Variants in SLC5A11 observed in about 807,000 individuals in gnomAD.
SLC5A11 encodes sodium/myo-inositol cotransporter 2.
In SLC5A11, 48 loss-of-function variants were observed where a neutral mutation model predicts 69.8. The observed-to-expected ratio is 0.69, with a 90% confidence interval of 0.55 to 0.87. The LOEUF (loss-of-function observed/expected upper bound fraction) is 0.87. Among genes scored for constraint, SLC5A11 ranks in the 40% least tolerant of loss-of-function variants. SLC5A11 has a pLI of 0.00. For missense variants in SLC5A11, 784 were observed against 866.1 expected, an observed-to-expected ratio of 0.91 and a Z score of 1.19; for synonymous variants, 319 against 342.4, an observed-to-expected ratio of 0.93 and a Z score of 0.75.
chr16:24,877,553 A>G (rs11863719), intron 7 of SLC5A11, among the ~76,000 whole-genome samples, 190 bp downstream of exon 8: 2,699 of 152,314 alleles, frequency 0.018, 92 homozygotes, highest in African/African-American at 0.061. Flanking sequence ...TTACCTGATA[A>G]GATAAAGCTT....
chr16:24,903,715 G>A (rs1173676489), intron 10 of SLC5A11, among the ~76,000 whole-genome samples: 1 of 152,104 alleles, frequency 6.6e-6, no homozygotes, highest in African/African-American at 2.4e-5. Context: ...CTAAATAGTA[G>A]TCCACTCTGT....
At chr16:24,870,442 A>AACCACACACACACAC (rs1555523057) in intron 4 of SLC5A11, among the ~76,000 whole-genome samples, 2 of 140,556 alleles carry the variant, frequency 1.4e-5, no homozygotes, top group South Asian at 2.2e-4. Flanking sequence ...AACAAAAAAA[A>AACCACACACACACAC]ACACACACAC....
chr16:24,867,180 G>A (rs563044147), intron 3 of SLC5A11, among the ~76,000 whole-genome samples: 1 of 152,148 alleles, frequency 6.6e-6, no homozygotes, highest in Non-Finnish European at 1.5e-5. Flanking sequence ...TACAAAGTGT[G>A]TTGTCTATCC....
chr16:24,906,430 T>C (rs2050066245), intron 10 of SLC5A11, among the ~76,000 whole-genome samples: 1 of 152,176 alleles, frequency 6.6e-6, no homozygotes, highest in South Asian at 2.1e-4. Context: ...AGCTGAATTT[T>C]TTCCAGCACT....
chr16:24,858,417 A>T (rs1350903546), intron 1 of SLC5A11, among the ~76,000 whole-genome samples: 1 of 149,698 alleles, frequency 6.7e-6, no homozygotes, highest in Admixed American at 6.6e-5. Flanking sequence ...TGACTTCATT[A>T]TGAATATGTG....
chr16:24,900,037 C>T (rs899440118), intron 10 of SLC5A11, among the ~76,000 whole-genome samples: 1 of 152,082 alleles, frequency 6.6e-6, no homozygotes, highest in Non-Finnish European at 1.5e-5. Context: ...CATGGGATAT[C>T]GAGGCCTCTA....
intron 8 of SLC5A11, among the ~76,000 whole-genome samples, chr16:24,887,006 C>T (rs920358932): frequency 3.3e-5 from 5 of 151,970 alleles, no homozygotes; most frequent in Admixed American, 3.3e-4. Context: ...ATGTAGTGAG[C>T]TAAAAATAAT....
intron 2 of SLC5A11, among the ~76,000 whole-genome samples, chr16:24,861,058 C>T (rs2059750911): frequency 6.6e-6 from 1 of 152,008 alleles, no homozygotes; most frequent in Non-Finnish European, 1.5e-5. Flanking sequence ...GGCCCCATTA[C>T]GTATGTTTAA....
At chr16:24,847,943 C>A (rs965262339) in intron 1 of SLC5A11, among the ~76,000 whole-genome samples, 9 of 152,196 alleles carry the variant, frequency 5.9e-5, no homozygotes, top group Non-Finnish European at 1.0e-4. Flanking sequence ...TAATCACACA[C>A]ATCAAGTGTT....
intron 9 of SLC5A11, 62 bp from the exon 11 acceptor site, chr16:24,897,912 G>T (rs1246060767): frequency 6.3e-7 from 1 of 1,580,466 alleles, no homozygotes; most frequent in Non-Finnish European, 8.6e-7. Context: ...ATGAGATTTG[G>T]GTGGGGACAC....
intron 8 of SLC5A11, among the ~76,000 whole-genome samples, chr16:24,889,959 AGAAGTATTCTTCT>A (rs2048667550): frequency 6.6e-6 from 1 of 152,096 alleles, no homozygotes; most frequent in South Asian, 2.1e-4. Context: ...TGCATTATTT[AGAAGTATTCTTCT>A]GAGAAGCAAT....
chr16:24,906,914 A>G, intron 11 of SLC5A11, 111 bp from the exon 13 acceptor site: 1 of 1,476,726 alleles, frequency 6.8e-7, no homozygotes, highest in Non-Finnish European at 9.2e-7. Context: ...TCCTGCAGGA[A>G]GCTCTGCCCC....
exon 4 of SLC5A11, chr16:24,869,956 C>G (rs759566756): frequency 6.2e-7 from 1 of 1,614,114 alleles, no homozygotes; most frequent in Non-Finnish European, 8.5e-7. Context: ...ATTGGCCTGG[C>G]AGGGTCAGGT....
At chr16:24,849,472 C>A (rs939251868) in intron 1 of SLC5A11, among the ~76,000 whole-genome samples, 22 of 148,454 alleles carry the variant, frequency 1.5e-4, no homozygotes, top group Admixed American at 1.3e-3. Flanking sequence ...GAGGCTGAGG[C>A]GGGAGAATCG....
At chr16:24,882,363 G>T (rs1054699957) in intron 7 of SLC5A11, among the ~76,000 whole-genome samples, 1 of 152,170 alleles carries the variant, frequency 6.6e-6, no homozygotes. Context: ...ATGCGTGAAC[G>T]GCAGGGAACT....
chr16:24,897,087 G>A lies in SLC5A11; in HGVS notation c.871-887G>A, dbSNP rs139349086. 4.7e-3 allele frequency among the ~76,000 whole-genome samples: 715 copies of A among 151,510 alleles called. 3 individuals are homozygous for A. Among genetic ancestry groups the A allele is most frequent in the African/African-American group, 0.017 (681 of 41,260 alleles). On this transcript the variant is annotated intron_variant, in intron 9 of 15. Coordinates refer to ENST00000347898, the Ensembl canonical transcript of SLC5A11. ...CCTGTCTCAGCCTCCCAAGTAGCTG[G>A]GATTACAAGTGTGCGCCAATGCACC...
chr16:24,870,549 G>A (rs1342925862), intron 4 of SLC5A11, among the ~76,000 whole-genome samples: 1 of 151,792 alleles, frequency 6.6e-6, no homozygotes, highest in Non-Finnish European at 1.5e-5. Context: ...GGAGGCCAAG[G>A]TGGGCGGATC....
chr16:24,905,310 G>GC lies in SLC5A11; in HGVS notation c.1007-1346dup, dbSNP rs1175530007. Among the ~76,000 whole-genome samples the GC allele has an allele frequency of 2.0e-5, 3 of 147,958 alleles. No homozygotes were observed. In the East Asian group the frequency reaches 5.9e-4, roughly 29 times the overall value. The stretch of plus-strand genomic sequence containing the variant: ...AAAAAAAAAAAACCTGGGTGTGGTG[G>GC]CACGCCTATAATACCAGCTACAGGC... On this transcript the variant is annotated intron_variant, in intron 10 of 15. Transcript: ENST00000347898.
intron 6 of SLC5A11, among the ~76,000 whole-genome samples, 168 bp downstream of exon 7, chr16:24,875,899 A>C (rs2047642595): frequency 6.6e-6 from 1 of 151,926 alleles, no homozygotes; most frequent in Non-Finnish European, 1.5e-5. Context: ...GGACAGAGGG[A>C]ATTGGGAGAA....
Sources: gnomAD v4.1 joint callset for allele counts (sites outside exome capture counted in the v4.1 genomes callset) on GRCh38, gnomAD v4.1.1 for gene constraint, MANE v1.5 for transcripts, NCBI Gene and HGNC (gene_info 2026-07-23, HGNC 2026-07-21) for gene names.